ZNRF3: variants seen among roughly 807,000 people sequenced by gnomAD.
ZNRF3 encodes the protein zinc and ring finger 3.
Under a neutral mutation model 72.5 loss-of-function variants are expected in ZNRF3, and 23 were observed. The observed-to-expected ratio is 0.32, with a 90% confidence interval of 0.23 to 0.45. ZNRF3 has a LOEUF of 0.45. Among genes scored for constraint, ZNRF3 ranks in the 20% least tolerant of loss-of-function variants. The pLI is 1.00. For missense variants in ZNRF3, 1,169 were observed against 1,272.1 expected (o/e 0.92, Z 1.23); for synonymous variants, 610 against 545.3 (o/e 1.12, Z -1.65).
intron 1 of ZNRF3, among the ~76,000 whole-genome samples, chr22:28,965,022 G>A (rs1217526264): frequency 3.3e-5 from 5 of 152,032 alleles, no homozygotes; most frequent in Non-Finnish European, 5.9e-5. Flanking sequence ...CCTCAACTGC[G>A]CCAAAGCTTT....
intron 3 of ZNRF3, among the ~76,000 whole-genome samples, chr22:29,042,905 T>C (rs1316964920): frequency 6.6e-6 from 1 of 152,006 alleles, no homozygotes; most frequent in Non-Finnish European, 1.5e-5. Context: ...CTCCCAAGTA[T>C]CTGGAATTAT....
intron 1 of ZNRF3, among the ~76,000 whole-genome samples, chr22:28,892,806 G>A (rs940687412): frequency 2.0e-5 from 3 of 152,172 alleles, no homozygotes; most frequent in African/African-American, 7.2e-5. Context: ...TTTGATCCTA[G>A]AATTTTGATG....
chr22:28,897,889 T>C (rs1272417685), intron 1 of ZNRF3, among the ~76,000 whole-genome samples: 4 of 152,152 alleles, frequency 2.6e-5, no homozygotes, highest in African/African-American at 9.7e-5. Flanking sequence ...TGGGATAGCA[T>C]AGTGAGAGGG....
chr22:28,966,624 T>C (rs1278432809), intron 1 of ZNRF3, among the ~76,000 whole-genome samples: 5 of 151,956 alleles, frequency 3.3e-5, no homozygotes, highest in Non-Finnish European at 7.4e-5. Flanking sequence ...ACAAAAAAAG[T>C]TTAAAAAAGT....
intron 1 of ZNRF3, among the ~76,000 whole-genome samples, chr22:28,913,917 C>G (rs1344452018): frequency 6.6e-6 from 1 of 152,012 alleles, no homozygotes; most frequent in Non-Finnish European, 1.5e-5. Flanking sequence ...TAGAGGAGTC[C>G]CCCCGACCCC....
At chr22:28,968,741 A>G (rs921533672) in intron 1 of ZNRF3, among the ~76,000 whole-genome samples, 1 of 152,068 alleles carries the variant, frequency 6.6e-6, no homozygotes, top group Non-Finnish European at 1.5e-5. Flanking sequence ...AGACTGCCCT[A>G]TTTTCATTTA....
Position 28,884,084 on chromosome 22 carries a change from G to C in ZNRF3, c.300+18G>C. 2 of 1,200,262 alleles carry C rather than the reference G, an allele frequency of 1.7e-6. No homozygotes were observed. The highest frequency in any genetic ancestry group is 1.9e-5 in the South Asian group (1 of 52,944). The allele number at this position is 1,200,262 out of a possible 1,614,324, so 74.4% of individuals were successfully genotyped here. ...TCGTGCAGGTAGCTGCCCGCCGCCC[G>C]GGCCCCGCGCCGCCTCCGCCACAAG... On this transcript the variant is annotated intron_variant, in intron 1 of 8. Coordinates refer to ENST00000544604, the MANE Select transcript of ZNRF3 (RefSeq NM_001206998.2).
rs1472723975 is a variant in ZNRF3, at chr22:28,884,057, G to T, written c.291G>T (p.Glu97Asp). Residue 97 changes from glutamate (E) to aspartate (D), a missense_variant, in exon 1 of 9, where the codon GAG (glutamate) becomes GAT (aspartate). Coordinates refer to ENST00000544604, the MANE Select transcript of ZNRF3 (RefSeq NM_001206998.2). ...GGGCCACGCTCAGCGCCGAGGGCGA[G>T]ATCGTGCAGGTAGCTGCCCGCCGCC... ...RAGATLSAEG[E>D]IVQMHPLGLC... The T allele has an allele frequency of 4.0e-6, 5 of 1,256,778 alleles. No homozygotes were observed. Among genetic ancestry groups the T allele is most frequent in the Non-Finnish European group, 5.1e-6 (5 of 979,516 alleles). 77.9% of individuals were successfully genotyped at this position (1,256,778 alleles called of 1,614,324 possible).
intron 1 of ZNRF3, among the ~76,000 whole-genome samples, chr22:28,984,119 G>T (rs76816890): frequency 3.0e-5 from 4 of 133,550 alleles, no homozygotes; most frequent in African/African-American, 7.7e-5. Context: ...ACAGTTGCTT[G>T]TTTTTTTTTT....
At chr22:29,018,834 C>A (rs1422511413) in intron 2 of ZNRF3, among the ~76,000 whole-genome samples, 1 of 152,090 alleles carries the variant, frequency 6.6e-6, no homozygotes, top group African/African-American at 2.4e-5. Context: ...TTAGCTTTTG[C>A]TGCATAACAA....
Position 29,050,546 on chromosome 22 carries a change from C to A in ZNRF3, c.2365C>A (p.Arg789Ser). 1.1e-5 allele frequency: 17 copies of A among 1,610,396 alleles called. No individual in the cohort carries two copies. The highest frequency in any genetic ancestry group is 2.2e-5 in the East Asian group (1 of 44,688). ...CCFYEEKQVA[R>S]GGGGGSGCYT... ...CTTCTATGAAGAGAAGCAGGTGGCC[C>A]GCGGGGGCGGAGGGGGCAGCGGCTG... The change falls in exon 8 of 9, where the codon CGC becomes AGC. Residue 789 changes from arginine to serine, a missense_variant. By Grantham distance (110) the Arg-to-Ser change is moderately radical (BLOSUM62 -1). This residue lies in a region of ZNRF3 where 783 missense variants were observed against 731.4 expected (regional missense o/e 1.07). Transcript: ENST00000544604.
intron 1 of ZNRF3, among the ~76,000 whole-genome samples, chr22:28,966,865 A>ATTTTTT (rs2035473085): frequency 1.6e-4 from 21 of 134,968 alleles, no homozygotes; most frequent in African/African-American, 5.1e-4. Context: ...AGTTTTAAAA[A>ATTTTTT]TCTTTTTTTT....
intron 1 of ZNRF3, among the ~76,000 whole-genome samples, chr22:28,887,366 G>T (rs1343327113): frequency 2.0e-5 from 3 of 152,122 alleles, no homozygotes; most frequent in South Asian, 2.1e-4. Flanking sequence ...ATGGGTTAGG[G>T]TAGGGGAAGC....
At chr22:29,031,446 C>A in intron 2 of ZNRF3, 1 of 272,746 alleles carries the variant, frequency 3.7e-6, no homozygotes, top group Non-Finnish European at 5.6e-6. Context: ...TGAAAAGTTT[C>A]TGTCGGAAAA....
Position 28,925,703 on chromosome 22 carries a change from G to A in ZNRF3, c.300+41637G>A, listed in dbSNP as rs566287413. On this transcript the variant is annotated intron_variant, in intron 1 of 8. Transcript: ENST00000544604. ...TTTTATCTATCTGTGCATGTGATGG[G>A]GTTTTTTGAGACAAGGTTTGCCCAG... Among the ~76,000 whole-genome samples, 124 of 152,200 alleles carry A rather than the reference G, an allele frequency of 8.1e-4. 1 individual carries two copies. The highest frequency in any genetic ancestry group is 3.7e-3 in the East Asian group (19 of 5,188).
chr22:28,920,428 G>A (rs1569246275), intron 1 of ZNRF3, among the ~76,000 whole-genome samples: 1 of 150,524 alleles, frequency 6.6e-6, no homozygotes, highest in African/African-American at 2.4e-5. Flanking sequence ...CCACCACCAC[G>A]CCCAGCTAAT....
At chr22:28,937,196 TA>T (rs1569252560) in intron 1 of ZNRF3, among the ~76,000 whole-genome samples, 50 of 3,152 alleles carry the variant, frequency 0.016, no homozygotes, top group African/African-American at 0.025. Context: ...TATATATATA[TA>T]TATATATATA....
At chr22:29,020,476 G>T (rs1054488976) in intron 2 of ZNRF3, among the ~76,000 whole-genome samples, 70 of 151,940 alleles carry the variant, frequency 4.6e-4, no homozygotes, top group Non-Finnish European at 5.4e-4. Context: ...GCCCAGGCTG[G>T]TCTTAAACTC....
chr22:28,980,451 A>C (rs940831178), intron 1 of ZNRF3, among the ~76,000 whole-genome samples: 1 of 152,234 alleles, frequency 6.6e-6, no homozygotes, highest in Admixed American at 6.5e-5. Flanking sequence ...AGATTTCAAC[A>C]CAAGATTGCA....
Sources: allele counts gnomAD v4.1 joint callset (sites outside exome capture counted in the v4.1 genomes callset), GRCh38; gene constraint gnomAD v4.1.1; regional missense constraint gnomAD v4.1.1; transcripts MANE v1.5; gene names NCBI Gene and HGNC (gene_info 2026-07-23, HGNC 2026-07-21).